PSMD1: variants seen among roughly 807,000 people sequenced by gnomAD.
PSMD1 encodes the protein proteasome 26S subunit, non-ATPase 1.
Under a neutral mutation model 119.0 loss-of-function variants are expected in PSMD1, and 18 were observed. The ratio of observed to expected loss-of-function variants is 0.15; its 90% CI spans 0.10 to 0.22. The LOEUF is 0.22. Ranked by LOEUF, PSMD1 falls within the 10% of genes least tolerant of loss-of-function variation. PSMD1 has a pLI of 1.00. For missense variants in PSMD1, 702 were observed against 1,158.5 expected, an observed-to-expected ratio of 0.61 and a Z score of 5.72; for synonymous variants, 374 against 396.6, an observed-to-expected ratio of 0.94 and a Z score of 0.68.
intron 6 of PSMD1, among the ~76,000 whole-genome samples, chr2:231,071,290 C>G (rs1324020364): frequency 2.0e-5 from 3 of 151,798 alleles, no homozygotes; most frequent in Non-Finnish European, 4.4e-5. Context: ...TTTTTAAAAA[C>G]TTTATTGCTC....
chr2:231,156,902 T>C (rs953915447), intron 19 of PSMD1, among the ~76,000 whole-genome samples: 11 of 152,212 alleles, frequency 7.2e-5, no homozygotes, highest in Non-Finnish European at 1.5e-5. Context: ...TGCTGTACTA[T>C]AGATCTCCTG....
At chr2:231,096,720 G>A (rs1245264516) in intron 16 of PSMD1, among the ~76,000 whole-genome samples, 2 of 152,222 alleles carry the variant, frequency 1.3e-5, no homozygotes, top group African/African-American at 4.8e-5. Flanking sequence ...GACAAGGGAG[G>A]GGAAAGCGTT....
In PSMD1 at chr2:231,062,232, T is replaced by G. The variant is rs1340235870; in HGVS notation, c.61-16T>G. ...ATAAGTCTATCTCAAAATAGGATTT[T>G]GGTTATCTTTTACAGGAATTTGCAC... On this transcript the variant is annotated splice_polypyrimidine_tract_variant and intron_variant, in intron 2 of 24. Coordinates refer to ENST00000308696, the MANE Select transcript of PSMD1 (RefSeq NM_002807.4). The G allele has an allele frequency of 1.3e-6, 2 of 1,587,590 alleles. No homozygotes were observed. Among genetic ancestry groups the G allele is most frequent in the Non-Finnish European group, 1.7e-6 (2 of 1,157,260 alleles).
At chr2:231,121,170 T>A (rs1390434496) in intron 16 of PSMD1, among the ~76,000 whole-genome samples, 1 of 152,206 alleles carries the variant, frequency 6.6e-6, no homozygotes, top group Non-Finnish European at 1.5e-5. Flanking sequence ...AACCCCACTA[T>A]ACAACTTATT....
intron 16 of PSMD1, among the ~76,000 whole-genome samples, chr2:231,119,643 G>A (rs542563302): frequency 1.3e-5 from 2 of 152,222 alleles, no homozygotes; most frequent in East Asian, 3.9e-4. Context: ...GGCCGAGGCA[G>A]GTGGATCACC....
chr2:231,109,452 C>G (rs370787856), intron 16 of PSMD1: 64 of 1,518,738 alleles, frequency 4.2e-5, no homozygotes, highest in Non-Finnish European at 4.0e-5. Context: ...ATTTTATGAC[C>G]TGTAACTCTT....
chr2:231,131,670 G>A (rs1349838667), intron 16 of PSMD1, among the ~76,000 whole-genome samples: 1 of 88,106 alleles, frequency 1.1e-5, no homozygotes, highest in Non-Finnish European at 1.9e-5. Context: ...GCTGAGGCAG[G>A]AGAATGGCGT....
At chr2:231,107,392 C>G (rs1017024063) in intron 16 of PSMD1, among the ~76,000 whole-genome samples, 5 of 152,086 alleles carry the variant, frequency 3.3e-5, no homozygotes, top group African/African-American at 9.7e-5. Flanking sequence ...AAAGGAAAAG[C>G]TAAGGTATGA....
At chr2:231,146,471 AAAAGT>A in intron 18 of PSMD1, 115 bp downstream of exon 18, 4 of 730,608 alleles carry the variant, frequency 5.5e-6, no homozygotes, top group Middle Eastern at 2.5e-4. Context: ...AAAGTAAAGT[AAAAGT>A]AAAGAGAGCA....
chr2:231,165,750 TC>T (rs1162019348), intron 22 of PSMD1, 120 bp from the exon 23 acceptor site: 15 of 824,230 alleles, frequency 1.8e-5, no homozygotes, highest in South Asian at 1.1e-4. Context: ...TAGTTGTACT[TC>T]CATTACTACC....
chr2:231,149,037 G>C (rs1696313348), intron 18 of PSMD1, among the ~76,000 whole-genome samples: 1 of 152,192 alleles, frequency 6.6e-6, no homozygotes, highest in African/African-American at 2.4e-5. Context: ...GAATTCAAAA[G>C]AGAAATTTCT....
intron 17 of PSMD1, among the ~76,000 whole-genome samples, chr2:231,143,564 T>A (rs1696180712): frequency 1.3e-5 from 2 of 152,166 alleles, no homozygotes; most frequent in Admixed American, 1.3e-4. Context: ...TTCCCAAAAG[T>A]CCTGCAGAGT....
At chr2:231,060,039 A>G (rs559172284) in intron 1 of PSMD1, among the ~76,000 whole-genome samples, 1 of 152,252 alleles carries the variant, frequency 6.6e-6, no homozygotes, top group South Asian at 2.1e-4. Flanking sequence ...GAGGATAGGT[A>G]GCAGTTTTAG....
intron 12 of PSMD1, 92 bp downstream of exon 12, chr2:231,080,406 G>T: frequency 9.2e-7 from 1 of 1,090,980 alleles, no homozygotes; most frequent in African/African-American, 1.6e-5. Context: ...AGATTTTGTA[G>T]AATTTGCGAA....
chr2:231,087,247 C>T (rs1221404455), intron 16 of PSMD1, 66 bp downstream of exon 16: 8 of 1,343,648 alleles, frequency 6.0e-6, no homozygotes, highest in South Asian at 2.4e-5. Flanking sequence ...TAGTCACTAC[C>T]GAAACTACCA....
At chr2:231,126,898 A>G (rs893529909) in intron 16 of PSMD1, among the ~76,000 whole-genome samples, 1 of 152,084 alleles carries the variant, frequency 6.6e-6, no homozygotes, top group Admixed American at 6.5e-5. Flanking sequence ...ATAATAAATA[A>G]ATAATTATAT....
intron 16 of PSMD1, among the ~76,000 whole-genome samples, chr2:231,088,176 T>C (rs1191462033): frequency 1.3e-5 from 2 of 152,188 alleles, no homozygotes; most frequent in East Asian, 3.8e-4. Context: ...GAGTGGTGTC[T>C]GGTACTAGTA....
In PSMD1 at chr2:231,078,392, CA is replaced by C. The variant is rs201804829; in HGVS notation, c.1072-264del. 4.2e-3 allele frequency among the ~76,000 whole-genome samples: 638 copies of C among 152,278 alleles called. 6 individuals are homozygous for C. The highest frequency in any genetic ancestry group is 0.015 in the African/African-American group (619 of 41,556). Reference sequence around the variant, plus strand: ...AGAGAAAAAGCAAGTTTAATTAAACCAAAGAATAGAAAATCTGCTGTCCAAA... The same window carrying C: ...AGAGAAAAAGCAAGTTTAATTAAACCAAGAATAGAAAATCTGCTGTCCAAA... On this transcript the variant is annotated intron_variant, in intron 9 of 24. Transcript: ENST00000308696.
chr2:231,058,994 G>C (rs539203837), intron 1 of PSMD1, among the ~76,000 whole-genome samples: 1 of 152,170 alleles, frequency 6.6e-6, no homozygotes, highest in South Asian at 2.1e-4. Context: ...CAGGAAGCTT[G>C]TTTTCACAAT....
Sources: gnomAD v4.1 joint callset for allele counts (sites outside exome capture counted in the v4.1 genomes callset) on GRCh38, gnomAD v4.1.1 for gene constraint, MANE v1.5 for transcripts, NCBI Gene and HGNC (gene_info 2026-07-23, HGNC 2026-07-21) for gene names.